SGCZ: variants seen among roughly 807,000 people sequenced by gnomAD.
SGCZ encodes the protein zeta-sarcoglycan.
A neutral mutation model predicts 41.3 loss-of-function variants in SGCZ; 40 were observed. The ratio of observed to expected loss-of-function variants is 0.97; its 90% CI spans 0.75 to 1.26. SGCZ has a LOEUF of 1.26. SGCZ is among the 50% of genes most tolerant of loss of function. SGCZ has a pLI of 0.00. For synonymous variants in SGCZ, 206 were observed against 137.5 expected, an observed-to-expected ratio of 1.50 and a Z score of -3.49; for missense variants, 552 against 369.8, an observed-to-expected ratio of 1.49 and a Z score of -4.04.
intron 1 of SGCZ, among the ~76,000 whole-genome samples, chr8:14,743,778 G>C (rs1345458536): frequency 6.6e-6 from 1 of 151,958 alleles, no homozygotes; most frequent in African/African-American, 2.4e-5. Flanking sequence ...AAGAATAAAA[G>C]TCCTTTAGAA....
chr8:14,152,271 CA>C (rs1214420310), intron 5 of SGCZ, among the ~76,000 whole-genome samples: 1 of 151,942 alleles, frequency 6.6e-6, no homozygotes, highest in East Asian at 1.9e-4. Context: ...AGCAAATGGG[CA>C]AAAGATGTCT....
At chr8:14,540,220 A>ATTTTTTTTTTTTTTTTTTTTTTTTTTTT (rs11428713) in intron 2 of SGCZ, among the ~76,000 whole-genome samples, 1 of 48,714 alleles carries the variant, frequency 2.1e-5, no homozygotes, top group Non-Finnish European at 3.8e-5. Context: ...TCTCTGCTTA[A>ATTTTTTTTTTTTTTTTTTTTTTTTTTTT]TTTTTTTTTT....
chr8:14,856,574 A>G (rs544289518), intron 1 of SGCZ, among the ~76,000 whole-genome samples: 2 of 152,314 alleles, frequency 1.3e-5, no homozygotes, highest in South Asian at 2.1e-4. Flanking sequence ...ATGCAAATCA[A>G]TAGAGTATTC....
At chr8:14,915,807 TCTTCTGTCTATTAAA>T (rs936056063) in intron 1 of SGCZ, among the ~76,000 whole-genome samples, 96 of 152,254 alleles carry the variant, frequency 6.3e-4, no homozygotes, top group African/African-American at 2.3e-3. Flanking sequence ...CTCTCTCCGT[TCTTCTGTCTATTAAA>T]CTTTCCTCTC....
At chr8:14,185,099 A>G (rs1257596961) in intron 4 of SGCZ, among the ~76,000 whole-genome samples, 1 of 152,226 alleles carries the variant, frequency 6.6e-6, no homozygotes, top group Non-Finnish European at 1.5e-5. Flanking sequence ...CACGTCAAGC[A>G]TTCAATCAAA....
intron 1 of SGCZ, among the ~76,000 whole-genome samples, chr8:14,836,895 A>C (rs981058401): frequency 1.3e-5 from 2 of 152,214 alleles, no homozygotes; most frequent in Non-Finnish European, 2.9e-5. Flanking sequence ...CAATATTCAC[A>C]GTCCAGAATG....
At chr8:14,115,447 A>C (rs2061897528) in intron 5 of SGCZ, among the ~76,000 whole-genome samples, 1 of 151,984 alleles carries the variant, frequency 6.6e-6, no homozygotes. Context: ...ACATTTTTAA[A>C]AATTTTATTA....
intron 2 of SGCZ, among the ~76,000 whole-genome samples, chr8:14,532,512 C>G (rs370523958): frequency 2.0e-5 from 3 of 151,778 alleles, no homozygotes; most frequent in Non-Finnish European, 4.4e-5. Flanking sequence ...GAAGAATAAG[C>G]GAATAAGCAG....
chr8:14,312,224 T>A (rs1256080590), intron 3 of SGCZ, among the ~76,000 whole-genome samples: 1 of 152,196 alleles, frequency 6.6e-6, no homozygotes, highest in South Asian at 2.1e-4. Context: ...GTAAAATGTG[T>A]TTCTTACTGT....
At chr8:15,044,182 A>C (rs1804215181) in intron 1 of SGCZ, among the ~76,000 whole-genome samples, 1 of 152,170 alleles carries the variant, frequency 6.6e-6, no homozygotes, top group Admixed American at 6.6e-5. Context: ...GCTATATTGA[A>C]TAAATGTCAG....
intron 1 of SGCZ, among the ~76,000 whole-genome samples, chr8:15,183,595 C>G (rs988188496): frequency 2.6e-5 from 4 of 152,130 alleles, no homozygotes; most frequent in African/African-American, 9.7e-5. Context: ...GTGAAAGTTT[C>G]AGGGGATTGG....
chr8:14,347,935 G>C (rs926848657), intron 2 of SGCZ, among the ~76,000 whole-genome samples: 1 of 152,094 alleles, frequency 6.6e-6, no homozygotes, highest in African/African-American at 2.4e-5. Context: ...TGAGAATATA[G>C]CATTAAAATG....
chr8:15,018,134 C>G (rs1333915573), intron 1 of SGCZ, among the ~76,000 whole-genome samples: 1 of 152,198 alleles, frequency 6.6e-6, no homozygotes, highest in African/African-American at 2.4e-5. Context: ...CATATTCTAC[C>G]CTTCCACATA....
At chr8:14,747,660 C>CATT (rs151163754) in intron 1 of SGCZ, among the ~76,000 whole-genome samples, 46,125 of 139,210 alleles carry the variant, frequency 0.33, 7,768 homozygotes, top group East Asian at 0.4. Flanking sequence ...GGGTACAAGG[C>CATT]ATTATTATTA....
At chr8:14,583,860 T>C (rs1804974147) in intron 1 of SGCZ, among the ~76,000 whole-genome samples, 1 of 152,154 alleles carries the variant, frequency 6.6e-6, no homozygotes, top group Non-Finnish European at 1.5e-5. Flanking sequence ...ATTTAGCTTT[T>C]ATTTATTTAG....
intron 1 of SGCZ, among the ~76,000 whole-genome samples, chr8:14,911,431 G>T (rs1376656286): frequency 2.6e-5 from 4 of 152,000 alleles, no homozygotes; most frequent in Non-Finnish European, 2.9e-5. Context: ...AAGAGCAGCT[G>T]CACACTGAAG....
chr8:14,352,018 G>A (rs1044410769), intron 2 of SGCZ, among the ~76,000 whole-genome samples: 1 of 152,010 alleles, frequency 6.6e-6, no homozygotes, highest in Non-Finnish European at 1.5e-5. Context: ...GAAATACATA[G>A]CACGGTACCT....
At chr8:14,989,016 C>G (rs1801921083) in intron 1 of SGCZ, among the ~76,000 whole-genome samples, 1 of 152,070 alleles carries the variant, frequency 6.6e-6, no homozygotes, top group Admixed American at 6.6e-5. Flanking sequence ...AAAGCTATTT[C>G]ATGGGACTCT....
intron 1 of SGCZ, among the ~76,000 whole-genome samples, chr8:15,187,794 A>AT (rs1439694596): frequency 2.0e-5 from 3 of 151,934 alleles, no homozygotes; most frequent in East Asian, 1.9e-4. Context: ...ATTATAAAGG[A>AT]TTTTTTTTCC....
Sources: gnomAD v4.1 joint callset for allele counts (sites outside exome capture counted in the v4.1 genomes callset) on GRCh38, gnomAD v4.1.1 for gene constraint, MANE v1.5 for transcripts, NCBI Gene and HGNC (gene_info 2026-07-23, HGNC 2026-07-21) for gene names.